The following SNTG1 variants were observed in gnomAD, a reference collection of about 807,000 sequenced individuals.
The protein encoded by SNTG1 is gamma-1-syntrophin.
SNTG1 carries 39 observed loss-of-function variants against 74.7 expected under a neutral mutation model. The observed-to-expected ratio is 0.52, with a 90% CI of 0.40 to 0.68. SNTG1 has a LOEUF of 0.68. SNTG1 is among the 30% of genes least tolerant of loss of function. SNTG1 has a pLI of 0.00. For missense variants in SNTG1, 685 were observed against 609.5 expected (o/e 1.12, Z -1.30); for synonymous variants, 254 against 217.1 (o/e 1.17, Z -1.49).
At chr8:50,682,201 C>T (rs747881311) in intron 15 of SNTG1, among the ~76,000 whole-genome samples, 15 of 152,230 alleles carry the variant, frequency 9.9e-5, no homozygotes, top group Non-Finnish European at 2.2e-4. Flanking sequence ...GTAAGGGGTT[C>T]TTATTCCTGA....
chr8:50,499,886 T>A (rs979514178), intron 8 of SNTG1, among the ~76,000 whole-genome samples: 3 of 152,122 alleles, frequency 2.0e-5, no homozygotes, highest in Admixed American at 6.5e-5. Context: ...ATTATCTGAT[T>A]TGCATTGATC....
At chr8:50,708,752 C>G in intron 16 of SNTG1, 134 bp from the exon 17 acceptor site, 1 of 597,380 alleles carries the variant, frequency 1.7e-6, no homozygotes, top group Non-Finnish European at 2.9e-6. Context: ...ATAATACTCC[C>G]TTCTTTATAC....
At chr8:50,105,219 A>C (rs964438259) in intron 1 of SNTG1, among the ~76,000 whole-genome samples, 14 of 152,104 alleles carry the variant, frequency 9.2e-5, no homozygotes, top group African/African-American at 2.7e-4. Flanking sequence ...TGGCGTAAGG[A>C]AGGAGTCCAG....
chr8:50,207,380 T>C (rs1239479264), intron 2 of SNTG1, among the ~76,000 whole-genome samples: 1 of 152,206 alleles, frequency 6.6e-6, no homozygotes, highest in Non-Finnish European at 1.5e-5. Flanking sequence ...TACTCTGATG[T>C]AGATTGTATT....
intron 1 of SNTG1, among the ~76,000 whole-genome samples, chr8:50,112,090 AAC>A (rs1432639965): frequency 2.0e-5 from 3 of 152,166 alleles, no homozygotes; most frequent in Non-Finnish European, 2.9e-5. Context: ...ATCTTCAGAA[AAC>A]ACATGATTTT....
intron 2 of SNTG1, among the ~76,000 whole-genome samples, chr8:50,278,475 G>A (rs2088242790): frequency 6.6e-6 from 1 of 152,078 alleles, no homozygotes; most frequent in Admixed American, 6.6e-5. Flanking sequence ...AAATCCCTGT[G>A]ATTGAATTTA....
intron 2 of SNTG1, among the ~76,000 whole-genome samples, chr8:50,288,419 T>C (rs559826582): frequency 1.3e-5 from 2 of 152,342 alleles, no homozygotes; most frequent in East Asian, 3.9e-4. Flanking sequence ...TGTAATGTAA[T>C]GTAAATTATT....
intron 12 of SNTG1, among the ~76,000 whole-genome samples, chr8:50,583,272 G>A (rs899666456): frequency 5.3e-5 from 8 of 151,674 alleles, no homozygotes; most frequent in African/African-American, 9.7e-5. Flanking sequence ...GCATGGTGGC[G>A]GCGCCTATAA....
At chr8:50,484,872 A>G (rs1054325167) in intron 8 of SNTG1, among the ~76,000 whole-genome samples, 1 of 151,770 alleles carries the variant, frequency 6.6e-6, no homozygotes, top group African/African-American at 2.4e-5. Flanking sequence ...AAAAAAAAAG[A>G]AAAAAGAAAA....
intron 8 of SNTG1, among the ~76,000 whole-genome samples, chr8:50,500,866 C>G (rs1053434785): frequency 6.6e-6 from 1 of 152,084 alleles, no homozygotes; most frequent in Non-Finnish European, 1.5e-5. Flanking sequence ...GAGGGTTCCT[C>G]CCTGCTGTAG....
At chr8:49,969,329 G>T (rs1811428130) in intron 1 of SNTG1, among the ~76,000 whole-genome samples, 1 of 151,208 alleles carries the variant, frequency 6.6e-6, no homozygotes, top group Admixed American at 6.6e-5. Flanking sequence ...TACTTTATGG[G>T]AAGTTGTAGA....
At chr8:50,164,054 C>G (rs763344413) in intron 1 of SNTG1, 5 of 150,110 alleles carry the variant, frequency 3.3e-5, no homozygotes, top group South Asian at 4.2e-4. Context: ...TTTAATGTTC[C>G]CATTGATCTC....
At chr8:50,565,048 C>T (rs933889836) in intron 12 of SNTG1, among the ~76,000 whole-genome samples, 1 of 151,860 alleles carries the variant, frequency 6.6e-6, no homozygotes, top group Non-Finnish European at 1.5e-5. Context: ...CAAAAATGGC[C>T]CTTTGCCTCT....
At chr8:50,630,336 C>T (rs374803707) in intron 13 of SNTG1, among the ~76,000 whole-genome samples, 1 of 152,106 alleles carries the variant, frequency 6.6e-6, no homozygotes, top group African/African-American at 2.4e-5. Context: ...TAGAATGCAG[C>T]AATCATATGC....
intron 8 of SNTG1, among the ~76,000 whole-genome samples, chr8:50,454,369 C>T (rs2093483973): frequency 6.6e-6 from 1 of 151,992 alleles, no homozygotes; most frequent in Admixed American, 6.6e-5. Flanking sequence ...TGGTGGCATG[C>T]ACCTGTAACC....
At chr8:50,629,609 T>C (rs890102598) in intron 13 of SNTG1, among the ~76,000 whole-genome samples, 12 of 152,030 alleles carry the variant, frequency 7.9e-5, no homozygotes, top group Non-Finnish European at 1.6e-4. Flanking sequence ...CTCAATGATA[T>C]TGACTAATTT....
At chr8:50,143,069 A>G (rs2081730015) in intron 1 of SNTG1, among the ~76,000 whole-genome samples, 1 of 152,104 alleles carries the variant, frequency 6.6e-6, no homozygotes, top group East Asian at 1.9e-4. Flanking sequence ...GCAAGACTCC[A>G]TCTCAAAATA....
chr8:50,733,781 CT>C (rs1233759243), intron 17 of SNTG1, among the ~76,000 whole-genome samples: 16 of 151,238 alleles, frequency 1.1e-4, no homozygotes, highest in African/African-American at 3.9e-4. Flanking sequence ...GGAGTTTTTT[CT>C]TTTCTTTATC....
rs180751381 is a variant in SNTG1 at position 49,921,213 on chromosome 8, A to C, written c.-103+8982A>C. 1.2e-3 allele frequency among the ~76,000 whole-genome samples: 185 copies of C among 152,234 alleles called. 2 individuals are homozygous for C. The highest frequency in any genetic ancestry group is 0.01 in the Middle Eastern group (3 of 294). ...ATAAATATCTTTCAAAAGTAAGAAAAAAATAAGAGAAAAGAAGGTCATAAA... is the reference window on the plus strand; with the variant it reads ...ATAAATATCTTTCAAAAGTAAGAAACAAATAAGAGAAAAGAAGGTCATAAA... On this transcript the variant is annotated intron_variant, in intron 1 of 18. Transcript: ENST00000642720.
Sources: allele counts gnomAD v4.1 joint callset (sites outside exome capture counted in the v4.1 genomes callset), GRCh38; gene constraint gnomAD v4.1.1; transcripts MANE v1.5; gene names NCBI Gene and HGNC (gene_info 2026-07-23, HGNC 2026-07-21).